Variants in SLC18B1 observed in about 807,000 individuals in gnomAD.
SLC18B1 encodes MFS-type transporter SLC18B1.
Under a neutral mutation model 53.9 loss-of-function variants are expected in SLC18B1, and 62 were observed. That is an observed-to-expected ratio of 1.15 (90% CI 0.94 to 1.42). SLC18B1 has a LOEUF of 1.42. Ranked by LOEUF, SLC18B1 falls within the 40% of genes most tolerant of loss-of-function variation. SLC18B1 has a pLI of 0.00. For missense variants in SLC18B1, 598 were observed against 547.3 expected (o/e 1.09, Z -0.93); for synonymous variants, 217 against 200.9 (o/e 1.08, Z -0.68).
intron 7 of SLC18B1, among the ~76,000 whole-genome samples, chr6:132,776,754 G>C (rs1422004756): frequency 6.6e-6 from 1 of 152,182 alleles, no homozygotes; most frequent in African/African-American, 2.4e-5. Flanking sequence ...TGGAGAACTT[G>C]CTAAAAGAGA....
intron 2 of SLC18B1, among the ~76,000 whole-genome samples, chr6:132,792,548 C>T (rs1781577844): frequency 6.6e-6 from 1 of 152,064 alleles, no homozygotes; most frequent in African/African-American, 2.4e-5. Context: ...GAGCCAGAAT[C>T]TCTTTATTAA....
In SLC18B1 at chr6:132,770,929, A is replaced by G. The variant is rs756639175; in HGVS notation, c.1265T>C (p.Met422Thr). The G allele has an allele frequency of 4.3e-6, 7 of 1,612,628 alleles. No homozygotes were observed. The highest frequency in any genetic ancestry group is 1.7e-5 in the Admixed American group (1 of 59,548). Reference protein sequence around the residue: ...GLWALISGLAMGLFYLLEYSR... With the variant: ...GLWALISGLATGLFYLLEYSR... The stretch of plus-strand genomic sequence containing the variant: ...ATACTCCAGTAGATAAAACAAGCCC[A>G]TGGCTAATCCCTTAAACACAATTAA... The change falls in exon 13 of 14, where the codon ATG (methionine) becomes ACG (threonine). Residue 422 changes from methionine (M) to threonine (T), a missense_variant. Physicochemically the swap from Met to Thr is moderately conservative, Grantham distance 81 (BLOSUM62 -1). Coordinates refer to ENST00000275227, the MANE Select transcript of SLC18B1 (RefSeq NM_052831.3).
At position 132,785,113 on chromosome 6, in the gene SLC18B1, C is replaced by G. The variant is rs956170262; in HGVS notation, c.502-1024G>C. 1.2e-3 allele frequency among the ~76,000 whole-genome samples: 177 copies of G among 146,336 alleles called. No homozygotes were observed. The East Asian group carries it at 0.013, about 11-fold the overall frequency. On this transcript the variant is annotated intron_variant, in intron 5 of 13. Transcript: ENST00000275227. The stretch of plus-strand genomic sequence containing the variant: ...TCTCTTGTTCTCGTGCTCTCTCTCT[C>G]TCTCAGTGTGTGTGTGTGTGTGTGT...
At chr6:132,787,133 G>C (rs1268795190) in intron 5 of SLC18B1, among the ~76,000 whole-genome samples, 1 of 151,984 alleles carries the variant, frequency 6.6e-6, no homozygotes, top group African/African-American at 2.4e-5. Flanking sequence ...CGGGGAGACA[G>C]CAAAAAAACT....
chr6:132,773,641 G>T lies in SLC18B1; in HGVS notation c.990-553C>A, dbSNP rs530878574. The stretch of plus-strand genomic sequence containing the variant: ...GAGGCTCTTGGAAGTTAAGTGGTTT[G>T]CTTATTAGTACATGGCAAAGCCAAA... On this transcript the variant is annotated intron_variant, in intron 9 of 13. Coordinates refer to ENST00000275227, the MANE Select transcript of SLC18B1 (RefSeq NM_052831.3). Among the ~76,000 whole-genome samples, 6 of 152,296 alleles carry T rather than the reference G, an allele frequency of 3.9e-5. No individual in the cohort carries two copies. The South Asian group carries it at 1.0e-3, about 26-fold the overall frequency.
At chr6:132,796,527 G>A (rs79280603) in intron 2 of SLC18B1, among the ~76,000 whole-genome samples, 24 of 65,920 alleles carry the variant, frequency 3.6e-4, no homozygotes, top group African/African-American at 1.3e-3. Flanking sequence ...ACCCTGTCTC[G>A]AAAGGAAAAA....
intron 2 of SLC18B1, among the ~76,000 whole-genome samples, chr6:132,796,256 G>A: frequency 6.7e-6 from 1 of 150,198 alleles, no homozygotes; most frequent in East Asian, 1.9e-4. Context: ...TTGGGAGGCT[G>A]AGGCAGGAGA....
At position 132,774,389 on chromosome 6, in the gene SLC18B1, G is replaced by A. The variant is rs558631634; in HGVS notation, c.898-76C>T. The A allele has an allele frequency of 5.2e-5, 58 of 1,113,080 alleles. 1 individual carries two copies. The South Asian group carries it at 7.9e-4, about 15-fold the overall frequency. 69.0% of individuals were successfully genotyped at this position (1,113,080 alleles called of 1,614,324 possible). ...CATAATCAAACAACGTAAAACATTA[G>A]TAAAAAACACAAATCATGATATTCA... On this transcript the variant is annotated intron_variant, in intron 8 of 13. Coordinates refer to ENST00000275227, the MANE Select transcript of SLC18B1 (RefSeq NM_052831.3).
At position 132,772,203 on chromosome 6, in the gene SLC18B1, T is replaced by G; in HGVS notation, c.1089A>C (p.Glu363Asp). The G allele has an allele frequency of 6.4e-7, 1 of 1,562,626 alleles. No individual in the cohort carries two copies. The highest frequency in any genetic ancestry group is 8.6e-7 in the Non-Finnish European group (1 of 1,162,014). Reference protein sequence around the residue: ...TFPEILSCAHENGFEEGLSTL... With the variant: ...TFPEILSCAHDNGFEEGLSTL... ...TACTTAATCCCTCTTCAAACCCATTTTCACTGCAAAAAGAGACATGAGTGT... is the reference window on the plus strand; with the variant it reads ...TACTTAATCCCTCTTCAAACCCATTGTCACTGCAAAAAGAGACATGAGTGT... The change falls in exon 11 of 14, where the codon GAA becomes GAC. Residue 363 changes from glutamate to aspartate, a missense_variant. By Grantham distance (45) the Glu-to-Asp change is conservative. Coordinates refer to ENST00000275227, the MANE Select transcript of SLC18B1 (RefSeq NM_052831.3).
intron 1 of SLC18B1, among the ~76,000 whole-genome samples, chr6:132,797,415 C>A (rs563844745): frequency 2.0e-5 from 3 of 152,166 alleles, no homozygotes; most frequent in East Asian, 3.9e-4. Context: ...CTGGCTAACA[C>A]GGTGAAACCC....
In SLC18B1 at chr6:132,771,050, A is replaced by G. The variant is rs746800394; in HGVS notation, c.1240T>C (p.Trp414Arg). 1.2e-6 allele frequency: 2 copies of G among 1,614,178 alleles called. No homozygotes were observed. Among genetic ancestry groups the G allele is most frequent in the Admixed American group, 1.7e-5 (1 of 60,026 alleles). ...FEWAAAIQGL[W>R]ALISGLAMGL... ...TGATTACTCACACTTATCAGAGCCC[A>G]TAGACCTTGTATAGCTGCTGCCCAT... The change falls in exon 12 of 14, where the codon TGG becomes CGG. Residue 414 changes from tryptophan to arginine, a missense_variant. By Grantham distance (101) the Trp-to-Arg change is moderately radical. Coordinates refer to ENST00000275227, the MANE Select transcript of SLC18B1 (RefSeq NM_052831.3).
Position 132,784,055 on chromosome 6 carries a change from A to G in SLC18B1, c.536T>C (p.Ile179Thr). The change falls in exon 6 of 14, where the codon ATA becomes ACA. Residue 179 changes from isoleucine (I) to threonine (T), a missense_variant. By Grantham distance (89) the Ile-to-Thr change is moderately conservative. Coordinates refer to ENST00000275227, the MANE Select transcript of SLC18B1 (RefSeq NM_052831.3). ...AAAGCCACCTACAGGAGGACCTAGT[A>G]TTAGCCCCAGTCCAGAAAAAGTCTC... ...SLETFSGLGL[I>T]LGPPVGGFLY... The G allele has an allele frequency of 2.5e-6, 4 of 1,601,786 alleles. No homozygotes were observed. The highest frequency in any genetic ancestry group is 1.1e-5 in the South Asian group (1 of 88,458).
At chr6:132,792,616 CTGGCCTCATTTA>C (rs1781579518) in intron 2 of SLC18B1, among the ~76,000 whole-genome samples, 1 of 152,084 alleles carries the variant, frequency 6.6e-6, no homozygotes, top group Non-Finnish European at 1.5e-5. Context: ...ACATTTTTAG[CTGGCCTCATTTA>C]TAGATGAGGA....
At chr6:132,795,922 C>A (rs912360072) in intron 2 of SLC18B1, among the ~76,000 whole-genome samples, 1 of 152,066 alleles carries the variant, frequency 6.6e-6, no homozygotes, top group Non-Finnish European at 1.5e-5. Flanking sequence ...GAATATGGAG[C>A]GGGGCCGGGG....
At chr6:132,782,524 A>T (rs1459254194) in intron 6 of SLC18B1, among the ~76,000 whole-genome samples, 1 of 152,108 alleles carries the variant, frequency 6.6e-6, no homozygotes, top group African/African-American at 2.4e-5. Context: ...GATTTTAATA[A>T]GATAATTGAC....
intron 4 of SLC18B1, among the ~76,000 whole-genome samples, chr6:132,788,363 AAT>A (rs1283214763): frequency 6.8e-6 from 1 of 147,546 alleles, no homozygotes; most frequent in African/African-American, 2.7e-5. Flanking sequence ...ATTGCTTTAG[AAT>A]ATGATTTTTT....
intron 2 of SLC18B1, among the ~76,000 whole-genome samples, chr6:132,793,782 T>C (rs1032240491): frequency 3.9e-5 from 6 of 152,234 alleles, no homozygotes; most frequent in African/African-American, 1.2e-4. Flanking sequence ...GTACTGAGTC[T>C]CTACTACCTG....
intron 8 of SLC18B1, 21 bp downstream of exon 8, chr6:132,776,307 A>T: frequency 6.3e-7 from 1 of 1,577,014 alleles, no homozygotes; most frequent in Non-Finnish European, 8.7e-7. Flanking sequence ...AGTGACTCAA[A>T]TATAAATTAA....
chr6:132,781,050 G>T (rs1263333538), intron 6 of SLC18B1, among the ~76,000 whole-genome samples: 1 of 152,086 alleles, frequency 6.6e-6, no homozygotes, highest in Non-Finnish European at 1.5e-5. Context: ...ATATACTAAG[G>T]ATGTTAGTTA....
Sources: gnomAD v4.1 joint callset for allele counts (sites outside exome capture counted in the v4.1 genomes callset) on GRCh38, gnomAD v4.1.1 for gene constraint, MANE v1.5 for transcripts, NCBI Gene and HGNC (gene_info 2026-07-23, HGNC 2026-07-21) for gene names.